GSTO2: variants seen among roughly 807,000 people sequenced by gnomAD.
GSTO2 encodes glutathione S-transferase omega 2, also known as glutathione S-transferase omega-2.
A neutral mutation model predicts 28.4 loss-of-function variants in GSTO2; 23 were observed. The observed-to-expected ratio is 0.81, with a 90% CI of 0.58 to 1.15. GSTO2 has a LOEUF of 1.15. Ranked by LOEUF, GSTO2 falls within the 50% of genes most tolerant of loss-of-function variation. The pLI, the probability that GSTO2 is intolerant of heterozygous loss-of-function variation, is 0.00. For missense variants in GSTO2, 298 were observed against 297.8 expected (o/e 1.00, Z 0.00); for synonymous variants, 109 against 111.0 (o/e 0.98, Z 0.11).
At chr10:104,298,150 A>T (rs981097343) in intron 6 of GSTO2, among the ~76,000 whole-genome samples, 5 of 152,260 alleles carry the variant, frequency 3.3e-5, no homozygotes, top group Non-Finnish European at 5.9e-5. Flanking sequence ...ATATTGGAAC[A>T]TACAAACAAA....
At chr10:104,280,548 A>G (rs1387747021) in intron 5 of GSTO2, among the ~76,000 whole-genome samples, 4 of 152,202 alleles carry the variant, frequency 2.6e-5, no homozygotes, top group Admixed American at 6.5e-5. Context: ...GATACCCTGA[A>G]TAAAATCAGA....
rs2013206333 is a variant in GSTO2, at chr10:104,299,785, G to C, written c.*501G>C. ...AGCCACCTGGCCTGCCTAGCCTGTA[G>C]CTTCTAACTATTTTCTAGAAAGTGC... On this transcript the variant is annotated 3_prime_UTR_variant, in exon 7 of 7. Transcript: ENST00000338595. 1 of 160,174 alleles carries C rather than the reference G, an allele frequency of 6.2e-6. No homozygotes were observed. The allele number at this position is 160,174 out of a possible 1,614,324, so 9.9% of individuals were successfully genotyped here.
intron 1 of GSTO2, among the ~76,000 whole-genome samples, chr10:104,271,810 A>C (rs1159844901): frequency 2.0e-5 from 3 of 152,228 alleles, no homozygotes; most frequent in African/African-American, 7.2e-5. Flanking sequence ...TCTTCTGGCA[A>C]AGTAGAAAGG....
At chr10:104,286,950 A>T (rs374865179) in intron 5 of GSTO2, among the ~76,000 whole-genome samples, 2 of 152,312 alleles carry the variant, frequency 1.3e-5, no homozygotes, top group East Asian at 3.9e-4. Flanking sequence ...AACCACTGTT[A>T]TTATCTTGGG....
intron 3 of GSTO2, 60 bp downstream of exon 3, chr10:104,275,394 T>C: frequency 6.6e-7 from 1 of 1,517,490 alleles, no homozygotes; most frequent in South Asian, 1.1e-5. Flanking sequence ...AGCCCGGGAA[T>C]GTTTAACATC....
chr10:104,278,812 G>A (rs965267042), intron 4 of GSTO2, among the ~76,000 whole-genome samples: 8 of 152,182 alleles, frequency 5.3e-5, no homozygotes, highest in African/African-American at 1.9e-4. Context: ...AAGAGTGCCT[G>A]CTGTCCAGGA....
In GSTO2 at chr10:104,278,073, A is replaced by G; in HGVS notation, c.323A>G (p.Tyr108Cys). 11 of 1,614,210 alleles carry G rather than the reference A, an allele frequency of 6.8e-6. No homozygotes were observed. The highest frequency in any genetic ancestry group is 9.3e-6 in the Non-Finnish European group (11 of 1,180,042). The change falls in exon 4 of 7, where the codon TAT (tyrosine) becomes TGT (cysteine). Residue 108 changes from tyrosine to cysteine, a missense_variant. By Grantham distance (194) the Tyr-to-Cys change is radical. Coordinates refer to ENST00000338595, the MANE Select transcript of GSTO2 (RefSeq NM_183239.2). ...PGRKLFPYDP[Y>C]ERARQKMLLE... ...AGGAAGCTGTTTCCATATGACCCTT[A>G]TGAACGAGCTCGCCAAAAGATGTTA... is the stretch of plus-strand genomic sequence containing the variant.
intron 5 of GSTO2, among the ~76,000 whole-genome samples, chr10:104,287,605 C>T (rs112013830): frequency 2.2e-4 from 33 of 152,104 alleles, no homozygotes; most frequent in African/African-American, 7.7e-4. Flanking sequence ...TGGTATGATC[C>T]CATTTTAGCA....
chr10:104,299,113 T>C lies in GSTO2; in HGVS notation c.576-15T>C. 1 of 1,610,498 alleles carries C rather than the reference T, an allele frequency of 6.2e-7. No individual in the cohort carries two copies. The highest frequency in any genetic ancestry group is 8.5e-7 in the Non-Finnish European group (1 of 1,177,974). On this transcript the variant is annotated splice_polypyrimidine_tract_variant and intron_variant, in intron 6 of 6. Transcript: ENST00000338595. Reference sequence around the variant, plus strand: ...TACCCCTGCACTGTGCTGACGCTTCTTTCCTGTCTTGCAGCTGTGTGAGCC... The same window carrying C: ...TACCCCTGCACTGTGCTGACGCTTCCTTCCTGTCTTGCAGCTGTGTGAGCC...
chr10:104,299,327 G>C lies in GSTO2; in HGVS notation c.*43G>C. ...TTCGCTGTCCAGAATTCCCCAGCTT[G>C]TTGGGAGTCTACGTCACGGCTTGTC... is the stretch of plus-strand genomic sequence containing the variant. On this transcript the variant is annotated 3_prime_UTR_variant, in exon 7 of 7. Coordinates refer to ENST00000338595, the MANE Select transcript of GSTO2 (RefSeq NM_183239.2). The C allele has an allele frequency of 6.2e-7, 1 of 1,608,618 alleles. No individual in the cohort carries two copies. The highest frequency in any genetic ancestry group is 8.5e-7 in the Non-Finnish European group (1 of 1,176,932).
intron 5 of GSTO2, among the ~76,000 whole-genome samples, chr10:104,283,275 A>G (rs2012197090): frequency 6.6e-6 from 1 of 152,184 alleles, no homozygotes; most frequent in Admixed American, 6.5e-5. Context: ...ACCACTGAGT[A>G]CTCCACATTG....
In GSTO2 at chr10:104,299,275, G is replaced by C; in HGVS notation, c.723G>C (p.Gly241=). Residue 241 remains glycine (G), a synonymous_variant, in exon 7 of 7, where the codon GGG becomes GGC. Transcript: ENST00000338595. ...ACAACCCTAATGCCTTTGACTTTGGGCTGTGCTGAGTCTCACTGTCCACCC... is the reference window on the plus strand; with the variant it reads ...ACAACCCTAATGCCTTTGACTTTGGCCTGTGCTGAGTCTCACTGTCCACCC... The part of the protein sequence containing the change: ...FQNNPNAFDF[G]LC The C allele has an allele frequency of 6.2e-7, 1 of 1,614,082 alleles. No individual in the cohort carries two copies. The highest frequency in any genetic ancestry group is 8.5e-7 in the Non-Finnish European group (1 of 1,179,984).
chr10:104,292,412 C>A (rs1379381904), intron 5 of GSTO2, among the ~76,000 whole-genome samples: 1 of 151,740 alleles, frequency 6.6e-6, no homozygotes, highest in Non-Finnish European at 1.5e-5. Context: ...TCCACTTTGA[C>A]CTTCCAAAGC....
At chr10:104,287,462 G>A (rs2012501914) in intron 5 of GSTO2, among the ~76,000 whole-genome samples, 1 of 152,190 alleles carries the variant, frequency 6.6e-6, no homozygotes, top group South Asian at 2.1e-4. Flanking sequence ...TTCATTAGAT[G>A]GTGAGTGGTT....
rs530757525 is a variant in GSTO2 at position 104,301,898 on chromosome 10, G to A, written c.*2614G>A. 2 of 152,236 alleles carry A rather than the reference G, an allele frequency of 1.3e-5. No homozygotes were observed. Among genetic ancestry groups the A allele is most frequent in the South Asian group, 2.1e-4 (1 of 4,824 alleles). The allele number at this position is 152,236 out of a possible 1,614,324, so 9.4% of individuals were successfully genotyped here. A position where few individuals can be genotyped will look rare whatever the true frequency, so the allele number is the denominator to read the frequency against. Reference sequence around the variant, plus strand: ...CTGGTGGGTGTCTATCTTATAAAAAGCACTAAACTTAAAGATTTAAAGGTG... The same window carrying A: ...CTGGTGGGTGTCTATCTTATAAAAAACACTAAACTTAAAGATTTAAAGGTG... On this transcript the variant is annotated 3_prime_UTR_variant, in exon 7 of 7. Transcript: ENST00000338595.
rs907503600 is a variant in GSTO2 at position 104,297,533 on chromosome 10, G to T, written c.469-45G>T. The stretch of plus-strand genomic sequence containing the variant: ...ACATTTAGTGTCTATAAACATGTCA[G>T]CAGATATATAAACTTATTTGCTTTT... On this transcript the variant is annotated intron_variant, in intron 5 of 6. Transcript: ENST00000338595. The T allele has an allele frequency of 1.6e-5, 20 of 1,228,750 alleles. No homozygotes were observed. The East Asian group carries it at 1.6e-4, about 10-fold the overall frequency. 76.1% of individuals were successfully genotyped at this position (1,228,750 alleles called of 1,614,324 possible). A position where few individuals can be genotyped will look rare whatever the true frequency, so the allele number is the denominator to read the frequency against.
intron 5 of GSTO2, among the ~76,000 whole-genome samples, chr10:104,288,092 G>C (rs1223985724): frequency 1.3e-5 from 2 of 151,858 alleles, no homozygotes; most frequent in African/African-American, 4.8e-5. Context: ...GGGTTTCACT[G>C]TGTTAGCCAG....
intron 5 of GSTO2, among the ~76,000 whole-genome samples, chr10:104,281,586 C>A (rs2012043774): frequency 6.6e-6 from 1 of 152,092 alleles, no homozygotes; most frequent in African/African-American, 2.4e-5. Context: ...GCAAATGAAC[C>A]AGTATTTTGT....
chr10:104,287,877 G>GA (rs1297894447), intron 5 of GSTO2, among the ~76,000 whole-genome samples: 3 of 144,206 alleles, frequency 2.1e-5, no homozygotes, highest in Non-Finnish European at 3.0e-5. Context: ...TTTAAAAGTA[G>GA]AAAAAAACAC....
Sources: gnomAD v4.1 joint callset for allele counts (sites outside exome capture counted in the v4.1 genomes callset) on GRCh38, gnomAD v4.1.1 for gene constraint, MANE v1.5 for transcripts, NCBI Gene and HGNC (gene_info 2026-07-23, HGNC 2026-07-21) for gene names.